Variants in SPTBN1 observed in about 807,000 individuals in gnomAD.
SPTBN1 encodes spectrin beta, non-erythrocytic 1.
SPTBN1 carries 32 observed loss-of-function variants against 266.4 expected under a neutral mutation model. That is an observed-to-expected ratio of 0.12 (90% CI 0.09 to 0.16). SPTBN1 has a LOEUF of 0.16. Ranked by LOEUF, SPTBN1 falls within the 10% of genes least tolerant of loss-of-function variation. SPTBN1 has a pLI of 1.00. For synonymous variants in SPTBN1, 1,336 were observed against 1,162.2 expected, an observed-to-expected ratio of 1.15 and a Z score of -3.04; for missense variants, 2,296 against 3,067.1, an observed-to-expected ratio of 0.75 and a Z score of 5.94.
rs1669174297 is a variant in SPTBN1, at chr2:54,500,133, GA to G, written c.-47-26236del. On this transcript the variant is annotated intron_variant, in intron 1 of 35. Coordinates refer to ENST00000356805, the MANE Select transcript of SPTBN1 (RefSeq NM_003128.3). ...TGTTTTAGGCGGTTTTTCATTCTTTGAAAGAAAAATGGCAAGTAGTCACGTT... is the reference window on the plus strand; with the variant it reads ...TGTTTTAGGCGGTTTTTCATTCTTTGAAGAAAAATGGCAAGTAGTCACGTT... Among the ~76,000 whole-genome samples the G allele has an allele frequency of 4.6e-5, 7 of 152,158 alleles. 1 individual carries two copies. Among genetic ancestry groups the G allele is most frequent in the African/African-American group, 1.4e-4 (6 of 41,420 alleles).
chr2:54,580,514 C>T lies in SPTBN1; in HGVS notation c.149-18578C>T, dbSNP rs74800369. The stretch of plus-strand genomic sequence containing the variant: ...CACAGGTCTTGTGAATTGGGAAGAC[C>T]ACTAGTATTGCCATTAGCTGCTTAT... On this transcript the variant is annotated intron_variant, in intron 2 of 35. Transcript: ENST00000356805. Among the ~76,000 whole-genome samples the T allele has an allele frequency of 6.6e-4, 100 of 151,702 alleles. 1 individual carries two copies. Among genetic ancestry groups the T allele is most frequent in the African/African-American group, 2.0e-3 (81 of 41,340 alleles).
At chr2:54,633,687 C>T (rs1015027261) in intron 17 of SPTBN1, among the ~76,000 whole-genome samples, 1 of 152,194 alleles carries the variant, frequency 6.6e-6, no homozygotes, top group Non-Finnish European at 1.5e-5. Flanking sequence ...AAAACAAGCC[C>T]TTCCTTTCTG....
chr2:54,660,533 C>A (rs17046095), intron 32 of SPTBN1: 1 of 986,044 alleles, frequency 1.0e-6, no homozygotes, highest in African/African-American at 1.7e-5. Flanking sequence ...GGGAGACATT[C>A]TGTAATAAGA....
At chr2:54,488,245 T>G (rs1341880269) in intron 1 of SPTBN1, among the ~76,000 whole-genome samples, 1 of 152,136 alleles carries the variant, frequency 6.6e-6, no homozygotes, top group Non-Finnish European at 1.5e-5. Context: ...CTTACCGTCA[T>G]GCCTCAATTT....
chr2:54,508,234 T>TA (rs1462021509), intron 1 of SPTBN1, among the ~76,000 whole-genome samples: 2 of 152,178 alleles, frequency 1.3e-5, no homozygotes, highest in African/African-American at 4.8e-5. Context: ...CAGAAGGGAA[T>TA]AAATGACCAC....
At chr2:54,508,284 T>C (rs1200576453) in intron 1 of SPTBN1, among the ~76,000 whole-genome samples, 15 of 152,172 alleles carry the variant, frequency 9.9e-5, no homozygotes, top group Non-Finnish European at 5.9e-5. Flanking sequence ...CCTCTACCCA[T>C]CCAGTGAAAG....
chr2:54,551,575 T>C (rs1203469429), intron 2 of SPTBN1, among the ~76,000 whole-genome samples: 1 of 152,232 alleles, frequency 6.6e-6, no homozygotes, highest in Non-Finnish European at 1.5e-5. Context: ...TAACTTGCCG[T>C]TTTTCTCCTC....
At chr2:54,531,106 T>C (rs1671210235) in intron 2 of SPTBN1, among the ~76,000 whole-genome samples, 1 of 152,190 alleles carries the variant, frequency 6.6e-6, no homozygotes, top group African/African-American at 2.4e-5. Flanking sequence ...TTGTAACCTT[T>C]ATAATAAATT....
chr2:54,561,606 T>C, intron 2 of SPTBN1, among the ~76,000 whole-genome samples: 1 of 152,014 alleles, frequency 6.6e-6, no homozygotes, highest in Admixed American at 6.6e-5. Flanking sequence ...GAGTTCTGGC[T>C]AAGGAGAATA....
chr2:54,466,406 C>CA (rs1693633584), intron 1 of SPTBN1, among the ~76,000 whole-genome samples: 1 of 26,002 alleles, frequency 3.8e-5, no homozygotes, highest in East Asian at 1.5e-3. Context: ...ACTAAAAATA[C>CA]AAAAAATTAG....
intron 1 of SPTBN1, among the ~76,000 whole-genome samples, chr2:54,493,367 C>G (rs1398651318): frequency 6.8e-6 from 1 of 145,988 alleles, no homozygotes; most frequent in African/African-American, 2.5e-5. Context: ...CTGGGTTGCT[C>G]TTACATATAT....
chr2:54,566,691 C>T (rs1673687993), intron 2 of SPTBN1, among the ~76,000 whole-genome samples: 1 of 151,934 alleles, frequency 6.6e-6, no homozygotes, highest in Admixed American at 6.5e-5. Flanking sequence ...ATTACCTGGG[C>T]ATGGTGGTAC....
intron 7 of SPTBN1, among the ~76,000 whole-genome samples, chr2:54,619,821 A>G (rs1479946752): frequency 3.3e-5 from 5 of 152,142 alleles, no homozygotes; most frequent in Admixed American, 6.5e-5. Context: ...GGCCCTCACA[A>G]CCACGGGCTG....
In SPTBN1 at chr2:54,618,168, C is replaced by T. The variant is rs781184859; in HGVS notation, c.738C>T (p.Gly246=). ...TTAATCTGGCAGAACAGCACCTCGG[C>T]CTCACTAAACTGTTGGACCCCGAAG... The part of the protein sequence containing the change: ...NAFNLAEQHL[G]LTKLLDPEDI... Residue 246 remains glycine, a synonymous_variant, in exon 7 of 36, where the codon GGC becomes GGT. Coordinates refer to ENST00000356805, the MANE Select transcript of SPTBN1 (RefSeq NM_003128.3). 6.2e-7 allele frequency: 1 copy of T among 1,614,184 alleles called. No homozygotes were observed.
chr2:54,593,465 C>T (rs1211058089), intron 2 of SPTBN1, among the ~76,000 whole-genome samples: 1 of 152,108 alleles, frequency 6.6e-6, no homozygotes, highest in Non-Finnish European at 1.5e-5. Flanking sequence ...GCTGCAGCTG[C>T]CTCGAGTCCT....
chr2:54,607,843 A>G (rs995934717), intron 3 of SPTBN1, among the ~76,000 whole-genome samples: 3 of 152,202 alleles, frequency 2.0e-5, no homozygotes, highest in African/African-American at 7.2e-5. Context: ...CTCAAGGTCA[A>G]CCACATTCTT....
intron 1 of SPTBN1, 80 bp from the exon 2 acceptor site, chr2:54,526,292 G>C: frequency 8.6e-7 from 1 of 1,156,518 alleles, no homozygotes; most frequent in South Asian, 1.7e-5. Flanking sequence ...TTTATTTTCT[G>C]CTCACTCTTA....
At chr2:54,541,951 T>TG (rs1452973073) in intron 2 of SPTBN1, among the ~76,000 whole-genome samples, 2 of 152,226 alleles carry the variant, frequency 1.3e-5, no homozygotes, top group Admixed American at 6.5e-5. Flanking sequence ...TTTTTTAAAA[T>TG]GCTAGCATTG....
At chr2:54,514,224 C>T (rs762715511) in intron 1 of SPTBN1, among the ~76,000 whole-genome samples, 13 of 152,120 alleles carry the variant, frequency 8.5e-5, no homozygotes, top group Non-Finnish European at 1.6e-4. Flanking sequence ...CATGGTTATA[C>T]TGTATAATAA....
Sources: gnomAD v4.1 joint callset for allele counts (sites outside exome capture counted in the v4.1 genomes callset) on GRCh38, gnomAD v4.1.1 for gene constraint, MANE v1.5 for transcripts, NCBI Gene and HGNC (gene_info 2026-07-23, HGNC 2026-07-21) for gene names.